TAF15: variants seen among roughly 807,000 people sequenced by gnomAD.
The protein encoded by TAF15 is TATA-binding protein-associated factor 2N.
In TAF15, 37 loss-of-function variants were observed where a neutral mutation model predicts 102.5. That is an observed-to-expected ratio of 0.36 (90% confidence interval 0.28 to 0.47). The LOEUF is 0.47. TAF15 is among the 20% of genes least tolerant of loss of function. TAF15 has a pLI of 0.99. For missense variants in TAF15, 652 were observed against 760.7 expected, an observed-to-expected ratio of 0.86 and a Z score of 1.68; for synonymous variants, 273 against 259.2, an observed-to-expected ratio of 1.05 and a Z score of -0.51.
In TAF15 at chr17:35,844,329, A is replaced by C; in HGVS notation, c.1138A>C (p.Asn380His). The C allele has an allele frequency of 6.2e-7, 1 of 1,614,238 alleles. No homozygotes were observed. The change falls in exon 14 of 16, where the codon AAT (asparagine) becomes CAT (histidine). Residue 380 changes from asparagine (N) to histidine (H), a missense_variant. Transcript: ENST00000605844. ...TCGAAGGAATTCCTGCAATCAGTGC[A>C]ATGAGCCTAGACCAGAGGACTCTCG... ...FARRNSCNQC[N>H]EPRPEDSRPS... is the part of the protein sequence containing the mutation.
At chr17:35,825,629 G>C (rs2087315452) in intron 7 of TAF15, among the ~76,000 whole-genome samples, 1 of 152,148 alleles carries the variant, frequency 6.6e-6, no homozygotes, top group Non-Finnish European at 1.5e-5. Flanking sequence ...AAGAAGATAG[G>C]GAATAGGTAG....
intron 7 of TAF15, 84 bp from the exon 8 acceptor site, chr17:35,833,823 T>C: frequency 7.1e-7 from 1 of 1,405,018 alleles, no homozygotes; most frequent in Non-Finnish European, 1.0e-6. Context: ...ACTCTACTTG[T>C]GACAGTTAAG....
chr17:35,844,051 T>C (rs563073113), intron 12 of TAF15, 26 bp from the exon 13 acceptor site: 2 of 1,606,784 alleles, frequency 1.2e-6, no homozygotes, highest in African/African-American at 2.7e-5. Context: ...GCTGCTGATT[T>C]TTCTCCCCTG....
intron 1 of TAF15, among the ~76,000 whole-genome samples, chr17:35,813,952 A>G (rs1440612319): frequency 1.3e-5 from 2 of 152,076 alleles, no homozygotes; most frequent in African/African-American, 4.8e-5. Flanking sequence ...GTTTAGAGAG[A>G]AAGTAACCAT....
chr17:35,820,462 A>T, intron 5 of TAF15, 25 bp downstream of exon 5: 1 of 1,599,684 alleles, frequency 6.3e-7, no homozygotes, highest in African/African-American at 1.3e-5. Context: ...AAATACTGAG[A>T]TTGTTTTGGG....
At chr17:35,823,418 G>A (rs927152933) in intron 6 of TAF15, among the ~76,000 whole-genome samples, 2 of 152,086 alleles carry the variant, frequency 1.3e-5, no homozygotes, top group Admixed American at 1.3e-4. Context: ...AAGATTGGGG[G>A]GCCGGGCGCA....
chr17:35,825,228 AT>A (rs1314901858), intron 7 of TAF15, among the ~76,000 whole-genome samples: 1 of 152,196 alleles, frequency 6.6e-6, no homozygotes, highest in Admixed American at 6.5e-5. Flanking sequence ...CAGTGCTTTG[AT>A]TTTTTGGAAA....
intron 7 of TAF15, 126 bp downstream of exon 7, chr17:35,824,324 A>G (rs1315863571): frequency 7.8e-7 from 1 of 1,283,972 alleles, no homozygotes; most frequent in South Asian, 1.4e-5. Flanking sequence ...GGGATTATAT[A>G]TTGGAGAAAA....
At chr17:35,838,402 A>T in intron 10 of TAF15, 22 bp from the exon 11 acceptor site, 1 of 1,613,974 alleles carries the variant, frequency 6.2e-7, no homozygotes. Context: ...TGCTAACACC[A>T]AGTGTTTCTG....
intron 7 of TAF15, among the ~76,000 whole-genome samples, chr17:35,825,409 C>T (rs2087313249): frequency 6.6e-6 from 1 of 152,180 alleles, no homozygotes; most frequent in Admixed American, 6.6e-5. Flanking sequence ...TGACATGGTG[C>T]TTACTCTCTA....
At chr17:35,834,221 A>G in intron 8 of TAF15, 1 of 381,840 alleles carries the variant, frequency 2.6e-6, no homozygotes, top group Non-Finnish European at 4.6e-6. Flanking sequence ...CCTTCACTGG[A>G]TTTTGACAAT....
chr17:35,822,859 A>AT (rs751805277), intron 6 of TAF15, 26 bp downstream of exon 6: 2 of 1,610,510 alleles, frequency 1.2e-6, no homozygotes, highest in African/African-American at 2.7e-5. Flanking sequence ...CTCTATTATT[A>AT]TTTTTCCCCC....
In TAF15 at chr17:35,844,553, T is replaced by C. The variant is rs754283703; in HGVS notation, c.1254T>C (p.Tyr418=). The C allele has an allele frequency of 1.3e-6, 2 of 1,588,734 alleles. No individual in the cohort carries two copies. The highest frequency in any genetic ancestry group is 1.8e-5 in the Admixed American group (1 of 56,842). The change falls in exon 15 of 16, where the codon TAT becomes TAC. Residue 418 remains tyrosine (Y), a synonymous_variant. Coordinates refer to ENST00000605844, the MANE Select transcript of TAF15 (RefSeq NM_139215.3). ...RGGRGGDRGG[Y]GGDRSGGGYG... ...GCAGAGGTGGAGACCGAGGCGGCTA[T>C]GGTGGAGACAGAAGTGGGGGTGGCT...
At position 35,838,573 on chromosome 17, in the gene TAF15, T is replaced by A; in HGVS notation, c.913+20T>A. ...TTGATGGTATGCCTCATTCGTATAG[T>A]TTTCAGCATGAAGTTGGATAAATGT... On this transcript the variant is annotated intron_variant, in intron 11 of 15. Coordinates refer to ENST00000605844, the MANE Select transcript of TAF15 (RefSeq NM_139215.3). The A allele has an allele frequency of 2.5e-6, 4 of 1,613,194 alleles. No homozygotes were observed. Among genetic ancestry groups the A allele is most frequent in the Non-Finnish European group, 3.4e-6 (4 of 1,179,928 alleles).
chr17:35,823,768 T>C (rs1393093420), intron 6 of TAF15: 1 of 372,132 alleles, frequency 2.7e-6, no homozygotes, highest in Admixed American at 4.1e-5. Flanking sequence ...CTAAGGTTCT[T>C]GTAGCTAAGA....
intron 6 of TAF15, 35 bp from the exon 7 acceptor site, chr17:35,824,043 G>A (rs751877119): frequency 6.2e-7 from 1 of 1,613,984 alleles, no homozygotes; most frequent in South Asian, 1.1e-5. Flanking sequence ...AGAAATGAGA[G>A]TGGTTATTTG....
chr17:35,820,980 G>A (rs1414541766), intron 5 of TAF15, among the ~76,000 whole-genome samples: 1 of 152,032 alleles, frequency 6.6e-6, no homozygotes, highest in East Asian at 1.9e-4. Flanking sequence ...TTACTTAATA[G>A]CAAGTTACTT....
rs4251786 is a variant in TAF15 at position 35,844,823 on chromosome 17, C to T, written c.1524C>T (p.Tyr508=). The change falls in exon 15 of 16, where the codon TAC becomes TAT. Residue 508 remains tyrosine, a synonymous_variant. Coordinates refer to ENST00000605844, the MANE Select transcript of TAF15 (RefSeq NM_139215.3). ...GCTATGGAGGAGATCGAGGAGGTTA[C>T]GGAGGAGATCGAGGAGGTTATGGAG... ...RGGYGGDRGG[Y]GGDRGGYGGD... 0.12 allele frequency: 185,409 copies of T among 1,602,052 alleles called. 11,910 individuals are homozygous for T. Among genetic ancestry groups the T allele is most frequent in the Middle Eastern group, 0.16 (955 of 5,874 alleles).
intron 7 of TAF15, among the ~76,000 whole-genome samples, chr17:35,826,445 T>C (rs902629468): frequency 1.5e-4 from 23 of 152,224 alleles, no homozygotes; most frequent in African/African-American, 5.5e-4. Flanking sequence ...ATTGTAACTA[T>C]TCATCTCTGC....
Sources: allele counts gnomAD v4.1 joint callset (sites outside exome capture counted in the v4.1 genomes callset), GRCh38; gene constraint gnomAD v4.1.1; transcripts MANE v1.5; gene names NCBI Gene and HGNC (gene_info 2026-07-23, HGNC 2026-07-21).